The following BBS2 variants were observed in gnomAD, a reference collection of about 807,000 sequenced individuals.
BBS2 encodes the protein BBSome complex member BBS2.
In BBS2, 62 loss-of-function variants were observed where a neutral mutation model predicts 83.0. That is an observed-to-expected ratio of 0.75 (90% CI 0.61 to 0.92). The LOEUF is 0.92. Among genes scored for constraint, BBS2 ranks in the 40% least tolerant of loss-of-function variants. BBS2 has a pLI of 0.00. For synonymous variants in BBS2, 303 were observed against 326.1 expected, an observed-to-expected ratio of 0.93 and a Z score of 0.76; for missense variants, 784 against 901.0, an observed-to-expected ratio of 0.87 and a Z score of 1.66.
chr16:56,498,619 C>CT (rs757981687), intron 12 of BBS2, 51 bp from the exon 13 acceptor site: 22 of 1,603,654 alleles, frequency 1.4e-5, no homozygotes, highest in Non-Finnish European at 1.4e-5. Flanking sequence ...TACAGACGTT[C>CT]TTTTTTTTAA....
chr16:56,499,491 C>T, intron 12 of BBS2: 2 of 378,392 alleles, frequency 5.3e-6, no homozygotes, highest in South Asian at 4.5e-5. Context: ...TCTTGAAATA[C>T]TACACCAGGA....
chr16:56,498,537 A>C lies in BBS2; in HGVS notation c.1559T>G (p.Leu520Ter), dbSNP rs770420403. ...VVVWLGQNFL[L>*]PEDTHIQNAP... The stretch of plus-strand genomic sequence containing the variant: ...ATTCTGAATGTGAGTGTCTTCTGGT[A>C]ACAGAAAGTTCTGACCGAGCCATAC... Residue 520 changes from leucine to a stop codon, truncating the protein, a stop_gained, in exon 13 of 17, where the codon TTA becomes TGA. Coordinates refer to ENST00000245157, the MANE Select transcript of BBS2 (RefSeq NM_031885.5). LOFTEE classifies it high-confidence loss of function. The C allele has an allele frequency of 1.2e-6, 2 of 1,614,152 alleles. No homozygotes were observed. The highest frequency in any genetic ancestry group is 1.7e-6 in the Non-Finnish European group (2 of 1,180,022).
intron 15 of BBS2, among the ~76,000 whole-genome samples, chr16:56,495,590 G>A (rs1322688737): frequency 6.6e-6 from 1 of 152,190 alleles, no homozygotes; most frequent in Non-Finnish European, 1.5e-5. Flanking sequence ...CAAATCCAAT[G>A]TATGGACTTT....
At chr16:56,506,331 T>C (rs1567579557) in intron 5 of BBS2, 107 bp from the exon 6 acceptor site, 3 of 874,198 alleles carry the variant, frequency 3.4e-6, no homozygotes, top group African/African-American at 3.3e-5. Context: ...ATGTTAAAAT[T>C]AGATTTAAAA....
At position 56,514,555 on chromosome 16, in the gene BBS2, G is replaced by A. The variant is rs368760651; in HGVS notation, c.243C>T (p.Gly81=). The A allele has an allele frequency of 8.7e-6, 14 of 1,614,054 alleles. No individual in the cohort carries two copies. The highest frequency in any genetic ancestry group is 2.2e-5 in the East Asian group (1 of 44,868). The stretch of plus-strand genomic sequence containing the variant: ...CATAGCCAAGCTCAGGGTTCAATAC[G>A]CCTGCAGTCAGACAGCTGACTGCCT... ...INQAVSCLTA[G]VLNPELGYDA... Residue 81 remains glycine, a synonymous_variant, in exon 2 of 17, where the codon GGC becomes GGT. Coordinates refer to ENST00000245157, the MANE Select transcript of BBS2 (RefSeq NM_031885.5).
At chr16:56,499,138 C>T (rs1328089879) in intron 12 of BBS2, 4 of 187,550 alleles carry the variant, frequency 2.1e-5, no homozygotes, top group African/African-American at 9.6e-5. Context: ...CTGGAAGGGC[C>T]CACCTATAGA....
At chr16:56,503,265 C>T (rs1053304701) in intron 7 of BBS2, among the ~76,000 whole-genome samples, 8 of 152,184 alleles carry the variant, frequency 5.3e-5, no homozygotes, top group African/African-American at 1.9e-4. Context: ...ATTAACAGTA[C>T]TATATCCCAT....
At chr16:56,499,610 G>T in intron 12 of BBS2, 168 bp downstream of exon 12, 1 of 810,608 alleles carries the variant, frequency 1.2e-6, no homozygotes, top group Non-Finnish European at 2.0e-6. Context: ...AGGTATTTTA[G>T]CAATATTTTT....
intron 1 of BBS2, 42 bp downstream of exon 1, chr16:56,519,704 G>T: frequency 6.6e-7 from 1 of 1,510,886 alleles, no homozygotes; most frequent in South Asian, 1.1e-5. Flanking sequence ...GAGATCCTGT[G>T]GTTCCCTGGG....
rs376041093 is a variant in BBS2, at chr16:56,519,736, G to A, written c.117+10C>T. 1.0e-5 allele frequency: 16 copies of A among 1,607,778 alleles called. No homozygotes were observed. The African/African-American group carries it at 1.7e-4, about 17-fold the overall frequency. On this transcript the variant is annotated intron_variant, in intron 1 of 16. Coordinates refer to ENST00000245157, the MANE Select transcript of BBS2 (RefSeq NM_031885.5). ...TGGGGCCCGGGCTCCCTGCGGGTGG[G>A]AGCGGTTACCTTGCCCGTTTGGGTG...
chr16:56,483,322 GC>G (rs1362198719), downstream of BBS2, among the ~76,000 whole-genome samples: 1 of 152,178 alleles, frequency 6.6e-6, no homozygotes. Context: ...CCCTAGGACA[GC>G]CCTTGTCAAA....
intron 13 of BBS2, 65 bp downstream of exon 13, chr16:56,498,372 T>C (rs1319041275): frequency 1.2e-5 from 19 of 1,583,766 alleles, no homozygotes; most frequent in Non-Finnish European, 1.6e-5. Context: ...TCTCATTCCA[T>C]GGTCTAAGTG....
At chr16:56,516,153 C>T (rs1487489325) in intron 1 of BBS2, 1 of 152,212 alleles carries the variant, frequency 6.6e-6, no homozygotes, top group Non-Finnish European at 1.5e-5. Context: ...GTTCTCTACA[C>T]TCAAAGAGAG....
rs748979025 is a variant in BBS2, at chr16:56,506,138, G to T, written c.699C>A (p.Ser233=). ...TACTAACTTTAATTCTCCAGTATCGGGATGTTTTGTCATAAACTCCAACTG... is the reference window on the plus strand; with the variant it reads ...TACTAACTTTAATTCTCCAGTATCGTGATGTTTTGTCATAAACTCCAACTG... ...NGTVGVYDKT[S]RYWRIKSKNH... Residue 233 remains serine (S), a synonymous_variant, in exon 6 of 17, where the codon TCC becomes TCA. Coordinates refer to ENST00000245157, the MANE Select transcript of BBS2 (RefSeq NM_031885.5). 6.2e-7 allele frequency: 1 copy of T among 1,613,722 alleles called. No individual in the cohort carries two copies. The highest frequency in any genetic ancestry group is 8.5e-7 in the Non-Finnish European group (1 of 1,179,726).
In BBS2 at chr16:56,497,870, T is replaced by C. The variant is rs1259281350; in HGVS notation, c.1670A>G (p.Asn557Ser). The change falls in exon 14 of 17, where the codon AAT becomes AGT. Residue 557 changes from asparagine to serine, a missense_variant. Physicochemically the swap from Asn to Ser is conservative, Grantham distance 46 (BLOSUM62 1). Coordinates refer to ENST00000245157, the MANE Select transcript of BBS2 (RefSeq NM_031885.5). Reference sequence around the variant, plus strand: ...ACCAGCCAAATCAATATCATCAGTATTTATAGTGATCTACCCAGAGAAAAA... The same window carrying C: ...ACCAGCCAAATCAATATCATCAGTACTTATAGTGATCTACCCAGAGAAAAA... ...KIKLSGEITI[N>S]TDDIDLAGDI... is the part of the protein sequence containing the mutation. 6.2e-7 allele frequency: 1 copy of C among 1,610,518 alleles called. No homozygotes were observed. Among genetic ancestry groups the C allele is most frequent in the African/African-American group, 1.3e-5 (1 of 74,836 alleles).
chr16:56,474,970 G>C (rs1963389698), intron 17 of BBS2: 1 of 1,612,220 alleles, frequency 6.2e-7, no homozygotes. Context: ...AGGAAAGCAA[G>C]CGGTGGATTA....
chr16:56,500,712 A>T, intron 11 of BBS2, 142 bp downstream of exon 11: 1 of 765,144 alleles, frequency 1.3e-6, no homozygotes, highest in South Asian at 1.8e-5. Flanking sequence ...AGGAAATAAA[A>T]GGTCATGAGA....
At chr16:56,506,323 G>T in intron 5 of BBS2, 99 bp from the exon 6 acceptor site, 1 of 904,062 alleles carries the variant, frequency 1.1e-6, no homozygotes, top group Non-Finnish European at 1.8e-6. Context: ...TTACAACTAT[G>T]TTAAAATTAG....
intron 2 of BBS2, among the ~76,000 whole-genome samples, chr16:56,512,320 A>G (rs1453417415): frequency 6.6e-6 from 1 of 152,238 alleles, no homozygotes; most frequent in Non-Finnish European, 1.5e-5. Context: ...CACATAGCCC[A>G]GCAATTCCAC....
Sources: allele counts gnomAD v4.1 joint callset (sites outside exome capture counted in the v4.1 genomes callset), GRCh38; gene constraint gnomAD v4.1.1; transcripts MANE v1.5; gene names NCBI Gene and HGNC (gene_info 2026-07-23, HGNC 2026-07-21).